Variants in BBS9 observed in about 807,000 individuals in gnomAD.
The protein encoded by BBS9 is Bardet-Biedl syndrome 9, also known as protein PTHB1.
Under a neutral mutation model 117.7 loss-of-function variants are expected in BBS9, and 89 were observed. The observed-to-expected ratio is 0.76, with a 90% confidence interval of 0.64 to 0.90. BBS9 has a LOEUF of 0.90. Among genes scored for constraint, BBS9 ranks in the 40% least tolerant of loss-of-function variants. BBS9 has a pLI of 0.00. For missense variants in BBS9, 982 were observed against 1,042.2 expected, an observed-to-expected ratio of 0.94 and a Z score of 0.80; for synonymous variants, 379 against 370.9, an observed-to-expected ratio of 1.02 and a Z score of -0.25.
intron 5 of BBS9, among the ~76,000 whole-genome samples, chr7:33,188,101 T>TGTGTGTGTGTGTGG (rs1396813131): frequency 4.2e-5 from 3 of 71,270 alleles, no homozygotes; most frequent in Non-Finnish European, 7.9e-5. Context: ...TGTGTGTGTG[T>TGTGTGTGTGTGTGG]GTGTGTGTGT....
intron 1 of BBS9, among the ~76,000 whole-genome samples, chr7:33,143,683 A>C (rs934863880): frequency 1.3e-5 from 2 of 151,782 alleles, no homozygotes; most frequent in African/African-American, 4.8e-5. Flanking sequence ...CTTTTGCCTT[A>C]GCCTCCTGAG....
chr7:33,246,477 G>A (rs1186035830), intron 5 of BBS9, among the ~76,000 whole-genome samples: 1 of 151,970 alleles, frequency 6.6e-6, no homozygotes, highest in Non-Finnish European at 1.5e-5. Context: ...ATTATTGCAA[G>A]TGAGGAATAT....
chr7:33,266,765 C>T lies in BBS9; in HGVS notation c.702+2391C>T, dbSNP rs376446969. 8.6e-5 allele frequency among the ~76,000 whole-genome samples: 13 copies of T among 152,000 alleles called. No homozygotes were observed. The East Asian group carries it at 2.3e-3, about 27-fold the overall frequency. On this transcript the variant is annotated intron_variant, in intron 7 of 22. Transcript: ENST00000242067. ...TTTATTTATTTATTTATTTTTGAGA[C>T]AGAGCCTTGCTGTGTTGCCCAGGCT...
intron 9 of BBS9, among the ~76,000 whole-genome samples, chr7:33,284,846 T>G (rs1248948763): frequency 6.6e-6 from 1 of 152,198 alleles, no homozygotes; most frequent in African/African-American, 2.4e-5. Context: ...GAAGATTTTT[T>G]TAGTCTGCTG....
intron 5 of BBS9, among the ~76,000 whole-genome samples, chr7:33,218,250 G>A (rs781210962): frequency 2.3e-4 from 35 of 152,296 alleles, no homozygotes; most frequent in Admixed American, 1.3e-3. Flanking sequence ...TTTGTCCTTT[G>A]AGGAAATACA....
In BBS9 at chr7:33,413,663, A is replaced by AT. The variant is rs1286494077; in HGVS notation, c.2115+25519_2115+25520insT. Among the ~76,000 whole-genome samples the AT allele has an allele frequency of 7.2e-5, 11 of 152,162 alleles. No individual in the cohort carries two copies. The East Asian group carries it at 1.7e-3, about 24-fold the overall frequency. The stretch of plus-strand genomic sequence containing the variant: ...GCCAACAGTTGCGTGTAAAAAAAAA[A>AT]CAGAATGTGGATATGAGGAGCTAAA... On this transcript the variant is annotated intron_variant, in intron 19 of 22. Coordinates refer to ENST00000242067, the MANE Select transcript of BBS9 (RefSeq NM_198428.3).
chr7:33,411,011 G>GTTTTTTTTTTTTTT (rs765425062), intron 19 of BBS9, among the ~76,000 whole-genome samples: 34 of 96,424 alleles, frequency 3.5e-4, no homozygotes, highest in African/African-American at 9.9e-4. Context: ...AAATGTTGGT[G>GTTTTTTTTTTTTTT]TTTTTTTTTT....
intron 9 of BBS9, among the ~76,000 whole-genome samples, chr7:33,312,404 G>A (rs1003049275): frequency 5.9e-5 from 9 of 152,154 alleles, no homozygotes; most frequent in Admixed American, 1.3e-4. Context: ...ACACAGCATC[G>A]TGTAGCTGCG....
At chr7:33,339,676 A>G (rs1337178234) in intron 10 of BBS9, among the ~76,000 whole-genome samples, 1 of 152,068 alleles carries the variant, frequency 6.6e-6, no homozygotes, top group Non-Finnish European at 1.5e-5. Flanking sequence ...TCATCAGGCT[A>G]TTTCTCCTGA....
At chr7:33,322,376 T>G in intron 9 of BBS9, among the ~76,000 whole-genome samples, 1 of 145,474 alleles carries the variant, frequency 6.9e-6, no homozygotes, top group East Asian at 2.0e-4. Context: ...TTTTTTTTTT[T>G]TTTGACTGGG....
At chr7:33,401,119 A>T (rs1478279046) in intron 19 of BBS9, among the ~76,000 whole-genome samples, 1 of 152,128 alleles carries the variant, frequency 6.6e-6, no homozygotes, top group East Asian at 1.9e-4. Flanking sequence ...CCAAATATTG[A>T]TTTCCCCACT....
At chr7:33,545,945 T>G (rs1449266318) in intron 21 of BBS9, among the ~76,000 whole-genome samples, 1 of 135,156 alleles carries the variant, frequency 7.4e-6, no homozygotes, top group East Asian at 2.2e-4. Context: ...TTTTTTTTTT[T>G]TTTTTTGAGA....
chr7:33,421,179 ATT>A (rs397962607), intron 19 of BBS9, among the ~76,000 whole-genome samples: 8 of 146,544 alleles, frequency 5.5e-5, no homozygotes, highest in African/African-American at 7.5e-5. Flanking sequence ...AGGATTTTTA[ATT>A]TTTTTTTTTT....
At chr7:33,528,514 A>G (rs918235814) in intron 20 of BBS9, among the ~76,000 whole-genome samples, 1 of 152,180 alleles carries the variant, frequency 6.6e-6, no homozygotes, top group Non-Finnish European at 1.5e-5. Context: ...TTTGAAAAAA[A>G]GTTTAAGGAT....
intron 5 of BBS9, among the ~76,000 whole-genome samples, chr7:33,250,992 T>C (rs888503668): frequency 1.3e-5 from 2 of 152,126 alleles, no homozygotes; most frequent in Non-Finnish European, 2.9e-5. Context: ...GGTGGGTGAT[T>C]GAAGCGGAAT....
rs528588379 is a variant in BBS9, at chr7:33,423,022, A to G, written c.2115+34878A>G. Among the ~76,000 whole-genome samples the G allele has an allele frequency of 1.8e-4, 27 of 152,320 alleles. No homozygotes were observed. In the South Asian group the frequency reaches 5.0e-3, roughly 28 times the overall value. The stretch of plus-strand genomic sequence containing the variant: ...TGACTAGGTCAATGACCCTTCTATC[A>G]GAACTGAATGCCGCTTTCCAAACAG... On this transcript the variant is annotated intron_variant, in intron 19 of 22. Transcript: ENST00000242067.
At chr7:33,304,489 C>T (rs369639234) in intron 9 of BBS9, among the ~76,000 whole-genome samples, 6 of 151,834 alleles carry the variant, frequency 4.0e-5, no homozygotes, top group African/African-American at 4.8e-5. Context: ...TGAGGAGCGC[C>T]TCTGCCTGGC....
chr7:33,507,298 T>C (rs923329432), intron 20 of BBS9, among the ~76,000 whole-genome samples: 4 of 152,190 alleles, frequency 2.6e-5, no homozygotes, highest in Non-Finnish European at 4.4e-5. Context: ...TGGAGTGCAA[T>C]GGTGTGATCT....
At chr7:33,273,256 A>T in intron 8 of BBS9, 61 bp downstream of exon 8, 1 of 1,507,974 alleles carries the variant, frequency 6.6e-7, no homozygotes, top group South Asian at 1.1e-5. Flanking sequence ...TATACACCAG[A>T]AAAAGCCACA....
Sources: gnomAD v4.1 joint callset for allele counts (sites outside exome capture counted in the v4.1 genomes callset) on GRCh38, gnomAD v4.1.1 for gene constraint, MANE v1.5 for transcripts, NCBI Gene and HGNC (gene_info 2026-07-23, HGNC 2026-07-21) for gene names.